Variants in ICA1L observed in about 807,000 individuals in gnomAD.
ICA1L encodes the protein islet cell autoantigen 1 like.
ICA1L carries 50 observed loss-of-function variants against 61.3 expected under a neutral mutation model. That is an observed-to-expected ratio of 0.82 (90% CI 0.65 to 1.03). The LOEUF (loss-of-function observed/expected upper bound fraction) is 1.03. ICA1L is among the 50% of genes least tolerant of loss of function. The probability of loss-of-function intolerance (pLI) is 0.00; values close to 1 mark genes in which losing one functional copy is unlikely to be tolerated. For synonymous variants in ICA1L, 161 were observed against 191.3 expected (o/e 0.84, Z 1.31); for missense variants, 508 against 556.7 (o/e 0.91, Z 0.88).
intron 1 of ICA1L, among the ~76,000 whole-genome samples, chr2:202,838,256 CTTA>C (rs1694209295): frequency 6.6e-6 from 1 of 152,032 alleles, no homozygotes; most frequent in African/African-American, 2.4e-5. Context: ...TTCAAATGTT[CTTA>C]TTATTTCGAG....
At chr2:202,851,403 G>T (rs1290523956) in intron 1 of ICA1L, among the ~76,000 whole-genome samples, 4 of 152,066 alleles carry the variant, frequency 2.6e-5, no homozygotes, top group South Asian at 4.1e-4. Flanking sequence ...TCTTAATCCA[G>T]TCTATCATTG....
intron 1 of ICA1L, among the ~76,000 whole-genome samples, chr2:202,850,576 A>G (rs928619050): frequency 1.3e-5 from 2 of 152,222 alleles, no homozygotes; most frequent in Admixed American, 1.3e-4. Flanking sequence ...AGGCATGAAG[A>G]CAAAATTAGA....
chr2:202,795,979 G>C (rs1394800001), intron 10 of ICA1L, among the ~76,000 whole-genome samples: 1 of 151,342 alleles, frequency 6.6e-6, no homozygotes, highest in Non-Finnish European at 1.5e-5. Flanking sequence ...GGAGGCAAAA[G>C]TTGCAGTGAG....
intron 5 of ICA1L, chr2:202,819,489 A>G (rs1693635802): frequency 3.8e-6 from 2 of 530,666 alleles, no homozygotes; most frequent in East Asian, 6.3e-5. Context: ...TAAAAAATTA[A>G]TAAAAAAGGT....
intron 12 of ICA1L, among the ~76,000 whole-genome samples, chr2:202,781,733 T>C (rs2105814812): frequency 6.6e-6 from 1 of 152,280 alleles, no homozygotes; most frequent in East Asian, 1.9e-4. Flanking sequence ...CTCATTAGCA[T>C]ATATTTTAGT....
At position 202,773,951 on chromosome 2, in the gene ICA1L, A is replaced by ATTAC. The variant is rs1692134474; in HGVS notation, c.*5578_*5581dup. ...ACAGAAAGATTCTTCTCTTCCGCTT[A>ATTAC]TTACTTGCCACTGTGTTTTAAAAGG... On this transcript the variant is annotated 3_prime_UTR_variant, in exon 13 of 13. Transcript: ENST00000358299. The ATTAC allele has an allele frequency of 4.6e-6, 5 of 1,094,994 alleles. No individual in the cohort carries two copies. Among genetic ancestry groups the ATTAC allele is most frequent in the Non-Finnish European group, 6.8e-6 (5 of 739,542 alleles). 67.8% of individuals were successfully genotyped at this position (1,094,994 alleles called of 1,614,324 possible). A position where few individuals can be genotyped will look rare whatever the true frequency, so the allele number is the denominator to read the frequency against.
intron 12 of ICA1L, among the ~76,000 whole-genome samples, chr2:202,784,651 A>C (rs1692522345): frequency 6.6e-6 from 1 of 152,216 alleles, no homozygotes; most frequent in Non-Finnish European, 1.5e-5. Flanking sequence ...TTATAAAGGA[A>C]GGAAATCCAG....
At position 202,774,178 on chromosome 2, in the gene ICA1L, G is replaced by C; in HGVS notation, c.*5355C>G. 6.5e-7 allele frequency: 1 copy of C among 1,550,256 alleles called. No homozygotes were observed. Among genetic ancestry groups the C allele is most frequent in the East Asian group, 2.4e-5 (1 of 40,904 alleles). Reference sequence around the variant, plus strand: ...CTTCATATCTGAGCGGCTTCTTGGAGAGCGGGCACACCAGGAACTCCAGCA... The same window carrying C: ...CTTCATATCTGAGCGGCTTCTTGGACAGCGGGCACACCAGGAACTCCAGCA... On this transcript the variant is annotated 3_prime_UTR_variant, in exon 13 of 13. Coordinates refer to ENST00000358299, the MANE Select transcript of ICA1L (RefSeq NM_001288622.3).
chr2:202,812,190 GAT>G (rs1433588724), intron 8 of ICA1L, among the ~76,000 whole-genome samples: 2 of 152,222 alleles, frequency 1.3e-5, no homozygotes, highest in African/African-American at 4.8e-5. Context: ...ACAATGAAGT[GAT>G]GTTTGCAAGA....
At chr2:202,816,047 C>A in intron 6 of ICA1L, 38 bp from the exon 7 acceptor site, 1 of 1,332,112 alleles carries the variant, frequency 7.5e-7, no homozygotes, top group Non-Finnish European at 1.0e-6. Context: ...AGTTCTGCTT[C>A]CCCTCCATGA....
At chr2:202,864,547 C>CA (rs1220655944) in intron 1 of ICA1L, among the ~76,000 whole-genome samples, 1 of 151,822 alleles carries the variant, frequency 6.6e-6, no homozygotes, top group African/African-American at 2.4e-5. Context: ...AATATGAATG[C>CA]AAAAACCCTT....
Position 202,817,402 on chromosome 2 carries a change from C to T in ICA1L, c.684+16G>A. The T allele has an allele frequency of 6.4e-7, 1 of 1,561,868 alleles. No homozygotes were observed. Among genetic ancestry groups the T allele is most frequent in the East Asian group, 2.4e-5 (1 of 42,416 alleles). On this transcript the variant is annotated intron_variant, in intron 6 of 12. Coordinates refer to ENST00000358299, the MANE Select transcript of ICA1L (RefSeq NM_001288622.3). ...CATCTTTACTGCAAGGATATGCTGA[C>T]CATGGAGGTGGGTACCTGGTAGGTA...
At chr2:202,823,052 G>A (rs1375136666) in intron 3 of ICA1L, among the ~76,000 whole-genome samples, 1 of 152,170 alleles carries the variant, frequency 6.6e-6, no homozygotes, top group Non-Finnish European at 1.5e-5. Context: ...ATTTGGGTAT[G>A]GTGGTTCAGA....
chr2:202,855,433 T>A (rs1459703656), intron 1 of ICA1L, among the ~76,000 whole-genome samples: 1 of 151,304 alleles, frequency 6.6e-6, no homozygotes, highest in African/African-American at 2.4e-5. Context: ...ATAGACACAA[T>A]AAAAAAATAA....
Position 202,778,564 on chromosome 2 carries a change from T to G in ICA1L, c.*969A>C, listed in dbSNP as rs898177232. On this transcript the variant is annotated 3_prime_UTR_variant, in exon 13 of 13. Transcript: ENST00000358299. ...ATTATGTCACAAAATATGAGATAAG[T>G]ATGCAAATATATGTAAGGATAAGGT... 1 of 152,194 alleles carries G rather than the reference T, an allele frequency of 6.6e-6. No homozygotes were observed. Among genetic ancestry groups the G allele is most frequent in the African/African-American group, 2.4e-5 (1 of 41,436 alleles). The allele number at this position is 152,194 out of a possible 1,614,324, so 9.4% of individuals were successfully genotyped here.
intron 9 of ICA1L, among the ~76,000 whole-genome samples, chr2:202,799,878 C>CTTTTTTTTTT (rs768203103): frequency 1.5e-5 from 2 of 133,952 alleles, no homozygotes; most frequent in African/African-American, 5.5e-5. Flanking sequence ...CTGCTTTATA[C>CTTTTTTTTTT]TTTTTTTTTT....
chr2:202,834,702 A>G (rs1694101247), intron 1 of ICA1L, among the ~76,000 whole-genome samples: 1 of 152,210 alleles, frequency 6.6e-6, no homozygotes, highest in Non-Finnish European at 1.5e-5. Context: ...AGGTGCTGCC[A>G]TTTTAAAAAC....
intron 1 of ICA1L, among the ~76,000 whole-genome samples, chr2:202,853,718 G>T (rs1026902814): frequency 6.6e-6 from 1 of 152,088 alleles, no homozygotes; most frequent in Non-Finnish European, 1.5e-5. Flanking sequence ...CTGCTCAAAA[G>T]AAGACATTTA....
At chr2:202,841,487 T>C in intron 1 of ICA1L, 1 of 788,968 alleles carries the variant, frequency 1.3e-6, no homozygotes, top group Non-Finnish European at 2.3e-6. Context: ...AATTTGTTGT[T>C]GAGGGTCCTT....
Sources: allele counts gnomAD v4.1 joint callset (sites outside exome capture counted in the v4.1 genomes callset), GRCh38; gene constraint gnomAD v4.1.1; transcripts MANE v1.5; gene names NCBI Gene and HGNC (gene_info 2026-07-23, HGNC 2026-07-21).